Variants in CELSR2 observed in about 807,000 individuals in gnomAD.
CELSR2 encodes EGF-like protein 2.
In CELSR2, 81 loss-of-function variants were observed where a neutral mutation model predicts 251.6. The observed-to-expected ratio is 0.32, with a 90% confidence interval of 0.27 to 0.39. The LOEUF is 0.39. CELSR2 is among the 10% of genes least tolerant of loss of function. The probability of loss-of-function intolerance (pLI) is 1.00; values close to 1 mark genes in which losing one functional copy is unlikely to be tolerated. For missense variants in CELSR2, 3,365 were observed against 3,947.7 expected (o/e 0.85, Z 3.96); for synonymous variants, 1,721 against 1,670.5 (o/e 1.03, Z -0.74).
At chr1:109,273,993 T>TCTGCCACTTTCCTTTC in intron 33 of CELSR2, 29 bp from the exon 34 acceptor site, 1 of 1,613,886 alleles carries the variant, frequency 6.2e-7, no homozygotes, top group Non-Finnish European at 8.5e-7. Context: ...GTCTGCCTTT[T>TCTGCCACTTTCCTTTC]CTGCCACTTT....
At chr1:109,271,857 G>A in intron 28 of CELSR2, 135 bp downstream of exon 28, 1 of 1,173,060 alleles carries the variant, frequency 8.5e-7, no homozygotes, top group Non-Finnish European at 1.2e-6. Flanking sequence ...GAGGTGAAAT[G>A]CTGTGTTCGG....
At chr1:109,266,377 C>A in intron 15 of CELSR2, 171 bp downstream of exon 15, 1 of 757,456 alleles carries the variant, frequency 1.3e-6, no homozygotes, top group Non-Finnish European at 2.1e-6. Flanking sequence ...CCATGTTGCC[C>A]AGGTGTGCCT....
Position 109,251,701 on chromosome 1 carries a change from A to G in CELSR2, c.1622A>G (p.Glu541Gly). ...DADAGDNARL[E>G]YRLAGVGHDF... ...GATGCTGGTGACAATGCCCGCCTGG[A>G]ATACCGCCTTGCTGGGGTGGGACAT... is the stretch of plus-strand genomic sequence containing the variant. Residue 541 changes from glutamate to glycine, a missense_variant, in exon 1 of 34, where the codon GAA becomes GGA. Glu to Gly is a moderately conservative substitution (Grantham distance 98). Around this residue, in one of 5 missense-constraint regions of CELSR2, gnomAD observed 704 missense variants for 784.1 expected, o/e 0.90. Coordinates refer to ENST00000271332, the MANE Select transcript of CELSR2 (RefSeq NM_001408.3). The surrounding 1 kb of genome is among the most constrained non-coding windows in gnomAD (Gnocchi z 4.9). 1 of 1,614,010 alleles carries G rather than the reference A, an allele frequency of 6.2e-7. No homozygotes were observed.
chr1:109,249,547 C>T lies in CELSR2; in HGVS notation c.-533C>T, dbSNP rs1407274759. ...GCCGCCGCCGCGACTCTGCAGAGCT[C>T]GCCCGCCCGCCGGGGAGGCGAGGGA... On this transcript the variant is annotated 5_prime_UTR_variant, in exon 1 of 34. Coordinates refer to ENST00000271332, the MANE Select transcript of CELSR2 (RefSeq NM_001408.3). Among the ~76,000 whole-genome samples, 12 of 150,940 alleles carry T rather than the reference C, an allele frequency of 8.0e-5. No individual in the cohort carries two copies. The East Asian group carries it at 2.4e-3, about 30-fold the overall frequency.
At position 109,272,804 on chromosome 1, in the gene CELSR2, C is replaced by G. The variant is rs138521058; in HGVS notation, c.8144-29C>G. ...CTGAAGGTGGGTGGAGGTGGCTGGGCTGGCTGTGATCTCTCCCTGGCCTCC... is the reference window on the plus strand; with the variant it reads ...CTGAAGGTGGGTGGAGGTGGCTGGGGTGGCTGTGATCTCTCCCTGGCCTCC... On this transcript the variant is annotated intron_variant, in intron 30 of 33. Coordinates refer to ENST00000271332, the MANE Select transcript of CELSR2 (RefSeq NM_001408.3). The G allele has an allele frequency of 3.2e-4, 514 of 1,612,812 alleles. 6 individuals are homozygous for G. In the East Asian group the frequency reaches 0.011, roughly 36 times the overall value.
intron 1 of CELSR2, among the ~76,000 whole-genome samples, chr1:109,257,524 G>C (rs1405900760): frequency 6.6e-6 from 1 of 152,184 alleles, no homozygotes; most frequent in Non-Finnish European, 1.5e-5. Context: ...ACACCAGCAA[G>C]TGTGTTTTAG....
At position 109,266,189 on chromosome 1, in the gene CELSR2, G is replaced by T. The variant is rs1656182424; in HGVS notation, c.5996G>T (p.Cys1999Phe). 2 of 1,614,014 alleles carry T rather than the reference G, an allele frequency of 1.2e-6. No homozygotes were observed. Among genetic ancestry groups the T allele is most frequent in the Non-Finnish European group, 1.7e-6 (2 of 1,180,026 alleles). ...TRFGLPAAAP[C>F]PKGSFGTAVR... Reference sequence around the variant, plus strand: ...TTCGGGCTGCCTGCTGCTGCTCCCTGTCCCAAAGGCTCCTTTGGTAGGTGT... The same window carrying T: ...TTCGGGCTGCCTGCTGCTGCTCCCTTTCCCAAAGGCTCCTTTGGTAGGTGT... Residue 1999 changes from cysteine (C) to phenylalanine (F), a missense_variant, in exon 15 of 34, where the codon TGT becomes TTT. Physicochemically the swap from Cys to Phe is radical, Grantham distance 205. This residue lies in a region of CELSR2 where 2,093 missense variants were observed against 2,382.8 expected (regional missense o/e 0.88). Coordinates refer to ENST00000271332, the MANE Select transcript of CELSR2 (RefSeq NM_001408.3).
rs1346287417 is a variant in CELSR2, at chr1:109,272,723, A to T, written c.8138A>T (p.Gln2713Leu). 4 of 1,613,710 alleles carry T rather than the reference A, an allele frequency of 2.5e-6. No individual in the cohort carries two copies. The African/African-American group carries it at 4.0e-5, about 16-fold the overall frequency. ...CTGTTCCTGGAAGGTCAAGACCAGC[A>T]GCATGGTGAGGACAGAACGCTCTGG... Reference protein sequence around the residue: ...GSLFLEGQDQQHDPDTDSDSD... With the variant: ...GSLFLEGQDQLHDPDTDSDSD... The change falls in exon 30 of 34, where the codon CAG becomes CTG. Residue 2713 changes from glutamine (Q) to leucine (L), a missense_variant. Around this residue, in one of 5 missense-constraint regions of CELSR2, gnomAD observed 2,093 missense variants for 2,382.8 expected, o/e 0.88. Transcript: ENST00000271332.
intron 13 of CELSR2, 79 bp from the exon 14 acceptor site, chr1:109,265,656 G>A: frequency 6.5e-7 from 1 of 1,529,476 alleles, no homozygotes; most frequent in Non-Finnish European, 8.9e-7. Flanking sequence ...CTCTCCACAG[G>A]GGCCACAGCT....
Position 109,250,448 on chromosome 1 carries a change from T to C in CELSR2, c.369T>C (p.Leu123=), listed in dbSNP as rs756249921. ...SCRLLGIGGH[L]SPQGKLTLPE... ...GCCTCCTGGGCATTGGAGGCCACCT[T>C]TCCCCACAGGGCAAGCTCACACTGC... is the stretch of plus-strand genomic sequence containing the variant. The change falls in exon 1 of 34, where the codon CTT becomes CTC. Residue 123 remains leucine (L), a synonymous_variant. Coordinates refer to ENST00000271332, the MANE Select transcript of CELSR2 (RefSeq NM_001408.3). The surrounding 1 kb of genome is among the most constrained non-coding windows in gnomAD (Gnocchi z 4.4). 6.2e-7 allele frequency: 1 copy of C among 1,613,710 alleles called. No individual in the cohort carries two copies. Among genetic ancestry groups the C allele is most frequent in the Non-Finnish European group, 8.5e-7 (1 of 1,180,004 alleles).
rs1369930109 is a variant in CELSR2 at position 109,271,874 on chromosome 1, G to T, written c.7926+152G>T. 2.8e-6 allele frequency: 3 copies of T among 1,065,766 alleles called. No individual in the cohort carries two copies. In the African/African-American group the frequency reaches 4.7e-5, roughly 17 times the overall value. 66.0% of individuals were successfully genotyped at this position (1,065,766 alleles called of 1,614,324 possible). On this transcript the variant is annotated intron_variant, in intron 28 of 33. Coordinates refer to ENST00000271332, the MANE Select transcript of CELSR2 (RefSeq NM_001408.3). The stretch of plus-strand genomic sequence containing the variant: ...GGTGAAATGCTGTGTTCGGCCTGGG[G>T]AGGAGATGTTGGAAAGGGTGTGTAG...
Position 109,266,388 on chromosome 1 carries a change from A to G in CELSR2, c.6013+182A>G, listed in dbSNP as rs1656187535. 8 of 680,042 alleles carry G rather than the reference A, an allele frequency of 1.2e-5. No homozygotes were observed. The South Asian group carries it at 1.4e-4, about 12-fold the overall frequency. The allele number at this position is 680,042 out of a possible 1,614,324, so 42.1% of individuals were successfully genotyped here. On this transcript the variant is annotated intron_variant, in intron 15 of 33. Transcript: ENST00000271332. The stretch of plus-strand genomic sequence containing the variant: ...TTCCCCATGTTGCCCAGGTGTGCCT[A>G]CATCTTGGACTGTTTTGTTTTGTTT...
rs143338802 is a variant in CELSR2, at chr1:109,264,333, G to A, written c.5257G>A (p.Gly1753Ser). ...GGGCGGAATACCTGGGCCAGCCGGC[G>A]GTGTGGCCCGTGGCTTTCGGGGCTG... ...TVGGIPGPAG[G>S]VARGFRGCLQ... Residue 1753 changes from glycine (G) to serine (S), a missense_variant, in exon 10 of 34, where the codon GGT (glycine) becomes AGT (serine). Transcript: ENST00000271332. 9 of 1,611,330 alleles carry A rather than the reference G, an allele frequency of 5.6e-6. No homozygotes were observed. Among genetic ancestry groups the A allele is most frequent in the Admixed American group, 5.0e-5 (3 of 59,994 alleles).
In CELSR2 at chr1:109,250,398, C is replaced by T. The variant is rs1417142718; in HGVS notation, c.319C>T (p.Pro107Ser). The change falls in exon 1 of 34, where the codon CCT becomes TCT. Residue 107 changes from proline to serine, a missense_variant. Physicochemically the swap from Pro to Ser is moderately conservative, Grantham distance 74 (BLOSUM62 -1). Around this residue, in one of 5 missense-constraint regions of CELSR2, gnomAD observed 704 missense variants for 784.1 expected, o/e 0.90. Coordinates refer to ENST00000271332, the MANE Select transcript of CELSR2 (RefSeq NM_001408.3). The surrounding 1 kb of genome is among the most constrained non-coding windows in gnomAD (Gnocchi z 4.4). ...SEAHIPLPPA[P>S]EGCPWSCRLL... ...GGCCCATATTCCCCTACCACCAGCTCCTGAAGGCTGCCCCTGGAGCTGTCG... is the reference window on the plus strand; with the variant it reads ...GGCCCATATTCCCCTACCACCAGCTTCTGAAGGCTGCCCCTGGAGCTGTCG... 6.2e-7 allele frequency: 1 copy of T among 1,613,620 alleles called. No individual in the cohort carries two copies. The highest frequency in any genetic ancestry group is 8.5e-7 in the Non-Finnish European group (1 of 1,180,014).
In CELSR2 at chr1:109,270,596, C is replaced by T. The variant is rs769156130; in HGVS notation, c.7479C>T (p.Ile2493=). The change falls in exon 24 of 34, where the codon ATC becomes ATT. Residue 2493 remains isoleucine (I), a synonymous_variant. Transcript: ENST00000271332. ...YMLGWGVPAF[I]TGLAVGLDPE... The stretch of plus-strand genomic sequence containing the variant: ...TGGGCTGGGGCGTGCCTGCCTTCAT[C>T]ACAGGTACTCCCACCCATTCCCAGT... 28 of 1,613,602 alleles carry T rather than the reference C, an allele frequency of 1.7e-5. No homozygotes were observed. In the East Asian group the frequency reaches 6.2e-4, roughly 36 times the overall value.
chr1:109,256,121 A>T (rs1442316777), intron 1 of CELSR2, among the ~76,000 whole-genome samples: 1 of 152,226 alleles, frequency 6.6e-6, no homozygotes, highest in Non-Finnish European at 1.5e-5. Context: ...TTAGGCAGAT[A>T]TACCAGGTAT....
chr1:109,262,036 G>A (rs1485056695), intron 5 of CELSR2, 140 bp downstream of exon 5: 8 of 1,073,122 alleles, frequency 7.5e-6, no homozygotes, highest in East Asian at 2.6e-5. Flanking sequence ...CTGGGAAGGT[G>A]CCACCTTGCT....
chr1:109,253,235 T>C lies in CELSR2; in HGVS notation c.3156T>C (p.His1052=), dbSNP rs1307397619. ...GTGCCATTGGCCGAGTACCTGCCCA[T>C]GACCCTGATATCTCAGATAGTCTGA... The part of the protein sequence containing the change: ...PGGAIGRVPA[H]DPDISDSLTY... The change falls in exon 1 of 34, where the codon CAT becomes CAC. Residue 1052 remains histidine (H), a synonymous_variant. Coordinates refer to ENST00000271332, the MANE Select transcript of CELSR2 (RefSeq NM_001408.3). 1.2e-6 allele frequency: 2 copies of C among 1,613,416 alleles called. No homozygotes were observed. The highest frequency in any genetic ancestry group is 4.5e-5 in the East Asian group (2 of 44,906).
In CELSR2 at chr1:109,249,909, G is replaced by A. The variant is rs1470791744; in HGVS notation, c.-171G>A. The A allele has an allele frequency of 2.1e-6, 1 of 479,568 alleles. No homozygotes were observed. The allele number at this position is 479,568 out of a possible 1,614,324, so 29.7% of individuals were successfully genotyped here. On this transcript the variant is annotated 5_prime_UTR_variant, in exon 1 of 34. Coordinates refer to ENST00000271332, the MANE Select transcript of CELSR2 (RefSeq NM_001408.3). ...CAGTGGGAGCCCGGGCTCGTCGGAG[G>A]GTGCAGCGCGGGGTCCCGCCGAGCC... is the stretch of plus-strand genomic sequence containing the variant.
Sources: gnomAD v4.1 joint callset for allele counts (sites outside exome capture counted in the v4.1 genomes callset) on GRCh38, gnomAD v4.1.1 for gene constraint, gnomAD v4.1.1 regional missense constraint, Gnocchi (gnomAD v3.1) non-coding constraint, MANE v1.5 for transcripts, NCBI Gene and HGNC (gene_info 2026-07-23, HGNC 2026-07-21) for gene names.